CCDC57: variants seen among roughly 807,000 people sequenced by gnomAD.
CCDC57 encodes the protein coiled-coil domain containing 57.
CCDC57 carries 118 observed loss-of-function variants against 118.9 expected under a neutral mutation model. That is an observed-to-expected ratio of 0.99 (90% CI 0.86 to 1.16). CCDC57 has a LOEUF of 1.16. CCDC57 is among the 50% of genes most tolerant of loss of function. CCDC57 has a pLI of 0.00. For synonymous variants in CCDC57, 527 were observed against 532.9 expected, an observed-to-expected ratio of 0.99 and a Z score of 0.15; for missense variants, 1,300 against 1,320.7, an observed-to-expected ratio of 0.98 and a Z score of 0.24.
exon 10 of CCDC57, chr17:82,179,105 G>A (rs1383865120): frequency 6.2e-7 from 1 of 1,613,822 alleles, no homozygotes. Context: ...CATCACAGCG[G>A]CGCTGCCAGT....
chr17:82,164,246 T>C (rs1381334268), intron 13 of CCDC57, among the ~76,000 whole-genome samples: 1 of 151,100 alleles, frequency 6.6e-6, no homozygotes, highest in Non-Finnish European at 1.5e-5. Context: ...CCAGGCGTGG[T>C]GGTGCGCCCC....
chr17:82,193,507 C>T (rs960975029), intron 7 of CCDC57, among the ~76,000 whole-genome samples: 5 of 150,858 alleles, frequency 3.3e-5, no homozygotes, highest in African/African-American at 4.9e-5. Context: ...GATCACACCA[C>T]GGCAATCCAG....
At chr17:82,164,963 A>G (rs1022520293) in intron 13 of CCDC57, among the ~76,000 whole-genome samples, 4 of 152,230 alleles carry the variant, frequency 2.6e-5, no homozygotes, top group Non-Finnish European at 5.9e-5. Context: ...CATGAACATT[A>G]TGAGAATTGA....
intron 16 of CCDC57, among the ~76,000 whole-genome samples, chr17:82,134,517 GGT>G (rs1242538661): frequency 6.6e-6 from 1 of 152,190 alleles, no homozygotes; most frequent in Non-Finnish European, 1.5e-5. Flanking sequence ...AAACTTGCCA[GGT>G]GCGGAGGCTC....
intron 15 of CCDC57, chr17:82,157,231 C>A (rs949246282): frequency 1.8e-5 from 3 of 167,324 alleles, no homozygotes; most frequent in African/African-American, 4.8e-5. Context: ...GGGGTCACTC[C>A]CTCGGGGCCA....
Position 82,125,317 on chromosome 17 carries a change from C to T in CCDC57, c.2899+2375G>A, listed in dbSNP as rs180927925. Among the ~76,000 whole-genome samples, 5 of 152,118 alleles carry T rather than the reference C, an allele frequency of 3.3e-5. No homozygotes were observed. In the East Asian group the frequency reaches 7.7e-4, roughly 23 times the overall value. On this transcript the variant is annotated intron_variant, in intron 19 of 19. Transcript: ENST00000665763. ...CTTTGGGAGGCTGAAGCGGGAGGAT[C>T]GCTTGAGCCCAGGAATTTGAGATCA...
chr17:82,171,927 T>A, intron 12 of CCDC57, 74 bp from the exon 12 acceptor site: 1 of 1,531,318 alleles, frequency 6.5e-7, no homozygotes, highest in South Asian at 1.2e-5. Context: ...GAGCACCAGC[T>A]CAGGGAGCCG....
intron 19 of CCDC57, 137 bp from the exon 19 acceptor site, chr17:82,102,003 C>T (rs904262731): frequency 2.4e-6 from 2 of 847,244 alleles, no homozygotes; most frequent in South Asian, 4.2e-5. Context: ...GCCTGGCTTT[C>T]CTCCAGGAGT....
chr17:82,113,139 C>T, intron 19 of CCDC57: 1 of 528,118 alleles, frequency 1.9e-6, no homozygotes, highest in Admixed American at 3.5e-5. Context: ...AGCTAACAGA[C>T]ATCTACTTGA....
chr17:82,207,734 TTCTC>T (rs1246930154), intron 2 of CCDC57: 1 of 152,252 alleles, frequency 6.6e-6, no homozygotes, highest in Non-Finnish European at 1.5e-5. Flanking sequence ...GACTTACTCT[TTCTC>T]TATCCTAATT....
At chr17:82,205,182 T>C (rs1406881097) in intron 2 of CCDC57, among the ~76,000 whole-genome samples, 2 of 152,208 alleles carry the variant, frequency 1.3e-5, no homozygotes, top group Admixed American at 6.5e-5. Context: ...ACCACTGTGA[T>C]CTCTGATGAC....
In CCDC57 at chr17:82,147,368, G is replaced by C. The variant is rs555926914; in HGVS notation, c.2455+4192C>G. Among the ~76,000 whole-genome samples, 151 of 151,438 alleles carry C rather than the reference G, an allele frequency of 1.0e-3. 1 individual carries two copies. Among genetic ancestry groups the C allele is most frequent in the African/African-American group, 3.3e-3 (138 of 41,234 alleles). On this transcript the variant is annotated intron_variant, in intron 16 of 19. Coordinates refer to ENST00000665763, the Ensembl canonical transcript of CCDC57. Reference sequence around the variant, plus strand: ...TGGGTGGGTTGGTGGATGAGTGAGAGTGGCTAATTGGATACATGGGTGGAT... The same window carrying C: ...TGGGTGGGTTGGTGGATGAGTGAGACTGGCTAATTGGATACATGGGTGGAT...
At chr17:82,158,081 C>A in intron 14 of CCDC57, 133 bp from the exon 14 acceptor site, 3 of 1,442,578 alleles carry the variant, frequency 2.1e-6, no homozygotes, top group Non-Finnish European at 2.7e-6. Flanking sequence ...TCCTCCCCAG[C>A]TGGATGCAAC....
Position 82,212,116 on chromosome 17 carries a change from C to G in CCDC57, c.-211+669G>C, listed in dbSNP as rs888736389. 2.0e-5 allele frequency among the ~76,000 whole-genome samples: 3 copies of G among 152,180 alleles called. No homozygotes were observed. Among genetic ancestry groups the G allele is most frequent in the Non-Finnish European group, 2.9e-5 (2 of 68,032 alleles). On this transcript the variant is annotated intron_variant, in intron 1 of 19. Coordinates refer to ENST00000665763, the Ensembl canonical transcript of CCDC57. The surrounding 1 kb of genome is among the most constrained non-coding windows in gnomAD (Gnocchi z 4.1). ...AGCAGTCTGTCAGTCGCTGGCAATA[C>G]AGGACTCCTGAGTAGTCTCAGAGTG...
In CCDC57 at chr17:82,212,086, G is replaced by A. The variant is rs537798683; in HGVS notation, c.-211+699C>T. On this transcript the variant is annotated intron_variant, in intron 1 of 19. Transcript: ENST00000665763. This position sits in a 1 kb window ranked among gnomAD's most constrained non-coding sequence, Gnocchi z 4.1. ...TTCTTCGGGGCCGAGGGAATTTGCA[G>A]CTCTAGCAGTCTGTCAGTCGCTGGC... Among the ~76,000 whole-genome samples, 3 of 152,204 alleles carry A rather than the reference G, an allele frequency of 2.0e-5. No individual in the cohort carries two copies. Among genetic ancestry groups the A allele is most frequent in the African/African-American group, 7.2e-5 (3 of 41,446 alleles).
exon 11 of CCDC57, chr17:82,178,552 C>T: frequency 1.2e-6 from 2 of 1,613,696 alleles, no homozygotes; most frequent in Non-Finnish European, 1.7e-6. Context: ...CGGCCTTCAG[C>T]ACCACCTCCT....
At position 82,132,759 on chromosome 17, in the gene CCDC57, C is replaced by CTTTT. The variant is rs71166188; in HGVS notation, c.2577+1310_2577+1313dup. 1.1e-3 allele frequency among the ~76,000 whole-genome samples: 138 copies of CTTTT among 123,920 alleles called. 22 individuals are homozygous for CTTTT. Among genetic ancestry groups the CTTTT allele is most frequent in the East Asian group, 1.1e-3 (5 of 4,548 alleles). 81.3% of individuals were successfully genotyped at this position (123,920 alleles called of 152,430 possible). On this transcript the variant is annotated intron_variant, in intron 17 of 19. Coordinates refer to ENST00000665763, the Ensembl canonical transcript of CCDC57. ...TTATCTTTCTGTAGAGACAACCTTGCTTTTTTTTTTTTTTTTTTGAGACGG... is the reference window on the plus strand; with the variant it reads ...TTATCTTTCTGTAGAGACAACCTTGCTTTTTTTTTTTTTTTTTTTTTTGAGACGG...
intron 16 of CCDC57, among the ~76,000 whole-genome samples, chr17:82,136,987 G>T (rs1165513966): frequency 5.4e-5 from 8 of 149,298 alleles, no homozygotes; most frequent in Non-Finnish European, 7.4e-5. Context: ...GCCCAATTTT[G>T]ATGGGTTTGT....
At chr17:82,113,412 G>C (rs766615583) in intron 19 of CCDC57, 72 of 717,568 alleles carry the variant, frequency 1.0e-4, no homozygotes, top group Non-Finnish European at 1.8e-4. Flanking sequence ...AATGGGACTA[G>C]AACGACAGGA....
Sources: gnomAD v4.1 joint callset for allele counts (sites outside exome capture counted in the v4.1 genomes callset) on GRCh38, gnomAD v4.1.1 for gene constraint, Gnocchi (gnomAD v3.1) non-coding constraint, MANE v1.5 for transcripts, NCBI Gene and HGNC (gene_info 2026-07-23, HGNC 2026-07-21) for gene names.